The following DNAL1 variants were observed in gnomAD, a reference collection of about 807,000 sequenced individuals.
DNAL1 encodes dynein axonemal light chain 1.
In DNAL1, 17 loss-of-function variants were observed where a neutral mutation model predicts 29.4. That is an observed-to-expected ratio of 0.58 (90% confidence interval 0.40 to 0.87). The LOEUF is 0.87. DNAL1 is among the 40% of genes least tolerant of loss of function. The probability of loss-of-function intolerance (pLI) is 0.00; values close to 1 mark genes in which losing one functional copy is unlikely to be tolerated. For missense variants in DNAL1, 188 were observed against 214.1 expected (o/e 0.88, Z 0.76); for synonymous variants, 78 against 76.3 (o/e 1.02, Z -0.12).
At chr14:73,683,662 C>G (rs78698386) in intron 5 of DNAL1, among the ~76,000 whole-genome samples, 1 of 150,444 alleles carries the variant, frequency 6.6e-6, no homozygotes, top group Non-Finnish European at 1.5e-5. Context: ...GTTCTGCTCT[C>G]TACTTCCATG....
chr14:73,665,341 A>G (rs1172828491), intron 4 of DNAL1, among the ~76,000 whole-genome samples: 3 of 152,154 alleles, frequency 2.0e-5, no homozygotes, highest in Non-Finnish European at 2.9e-5. Flanking sequence ...CACTCAAACA[A>G]TTTAAGCTAT....
chr14:73,665,880 GGTCAGTTGGTAGAGACT>G, intron 4 of DNAL1, among the ~76,000 whole-genome samples: 1 of 152,126 alleles, frequency 6.6e-6, no homozygotes, highest in East Asian at 1.9e-4. Flanking sequence ...TTCTAACTTG[GGTCAGTTGGTAGAGACT>G]CTCAGGAAAA....
chr14:73,668,214 A>G (rs1313873685), intron 4 of DNAL1, among the ~76,000 whole-genome samples: 1 of 151,018 alleles, frequency 6.6e-6, no homozygotes, highest in African/African-American at 2.4e-5. Flanking sequence ...CACATTTTTC[A>G]CTATCTAATA....
chr14:73,681,952 A>C (rs1891897859), intron 5 of DNAL1, among the ~76,000 whole-genome samples: 1 of 151,616 alleles, frequency 6.6e-6, no homozygotes. Context: ...ATCTCTATTG[A>C]AAATACAAAA....
chr14:73,686,063 A>G (rs924312666), intron 5 of DNAL1, among the ~76,000 whole-genome samples: 1 of 152,128 alleles, frequency 6.6e-6, no homozygotes, highest in Non-Finnish European at 1.5e-5. Context: ...CTCCCTGCCA[A>G]CCGTGTACAA....
chr14:73,668,773 T>A (rs1595211424), intron 4 of DNAL1, among the ~76,000 whole-genome samples: 2 of 152,130 alleles, frequency 1.3e-5, no homozygotes, highest in East Asian at 3.9e-4. Flanking sequence ...GCCTCCCAGG[T>A]TCAAGCAATT....
chr14:73,675,478 A>AT (rs1196792546), intron 5 of DNAL1, among the ~76,000 whole-genome samples: 5 of 149,204 alleles, frequency 3.4e-5, no homozygotes, highest in South Asian at 4.3e-4. Context: ...TAAAAAAAAA[A>AT]TTTTTTTTTT....
intron 5 of DNAL1, among the ~76,000 whole-genome samples, chr14:73,681,913 G>A (rs1891896469): frequency 6.6e-6 from 1 of 151,730 alleles, no homozygotes; most frequent in Non-Finnish European, 1.5e-5. Flanking sequence ...GGGAGTTCGA[G>A]ATCAGCCTGA....
chr14:73,672,123 C>G (rs1038626282), intron 5 of DNAL1, among the ~76,000 whole-genome samples: 2 of 152,124 alleles, frequency 1.3e-5, no homozygotes, highest in African/African-American at 4.8e-5. Context: ...CCTCCCAAGA[C>G]AAAACAGGCT....
intron 5 of DNAL1, among the ~76,000 whole-genome samples, chr14:73,684,740 AT>A (rs1402587638): frequency 1.3e-5 from 2 of 152,040 alleles, no homozygotes; most frequent in East Asian, 3.9e-4. Context: ...ACAAAAAAAA[AT>A]TTTTTTAAAT....
intron 5 of DNAL1, among the ~76,000 whole-genome samples, chr14:73,685,581 G>A (rs538900808): frequency 4.0e-5 from 6 of 151,080 alleles, no homozygotes; most frequent in South Asian, 2.1e-4. Flanking sequence ...TGCCTCAGCC[G>A]CCAAAGTAGC....
intron 4 of DNAL1, among the ~76,000 whole-genome samples, chr14:73,668,092 C>T (rs1891531143): frequency 6.6e-6 from 1 of 152,270 alleles, no homozygotes; most frequent in Middle Eastern, 3.4e-3. Context: ...ATGGTGAACT[C>T]CCTTACTAAC....
chr14:73,668,367 T>C (rs768170768), intron 4 of DNAL1, among the ~76,000 whole-genome samples: 2 of 152,230 alleles, frequency 1.3e-5, no homozygotes, highest in Non-Finnish European at 2.9e-5. Flanking sequence ...GTTGAGTGAA[T>C]AAGTTATCGA....
chr14:73,670,215 A>C (rs148218311), intron 4 of DNAL1, among the ~76,000 whole-genome samples: 1 of 152,238 alleles, frequency 6.6e-6, no homozygotes, highest in Non-Finnish European at 1.5e-5. Flanking sequence ...TTACCATTCA[A>C]TTATGGATGT....
chr14:73,659,981 C>T (rs937029943), intron 3 of DNAL1, among the ~76,000 whole-genome samples: 1 of 152,198 alleles, frequency 6.6e-6, no homozygotes, highest in Non-Finnish European at 1.5e-5. Flanking sequence ...GGCTGCAGTG[C>T]AGTGCTGTGA....
At position 73,677,884 on chromosome 14, in the gene DNAL1, T is replaced by TGTGTGTGTGTG. The variant is rs1555402397; in HGVS notation, c.264+6287_264+6288insGTGTGTGTGTG. ...TATATTTATATATATATATATATAT[T>TGTGTGTGTGTG]TGTGTGTGTGTGTGTGTGTGTGTGT... On this transcript the variant is annotated intron_variant, in intron 5 of 7. Transcript: ENST00000553645. Among the ~76,000 whole-genome samples the TGTGTGTGTGTG allele has an allele frequency of 4.2e-3, 404 of 96,124 alleles. 2 individuals carry two copies. Among genetic ancestry groups the TGTGTGTGTGTG allele is most frequent in the African/African-American group, 0.014 (360 of 26,510 alleles). The allele number at this position is 96,124 out of a possible 152,430, so 63.1% of individuals were successfully genotyped here. A position where few individuals can be genotyped will look rare whatever the true frequency, so the allele number is the denominator to read the frequency against.
chr14:73,680,653 ATTAAAAATC>A, intron 5 of DNAL1, among the ~76,000 whole-genome samples: 1 of 152,252 alleles, frequency 6.6e-6, no homozygotes, highest in African/African-American at 2.4e-5. Context: ...TAGTGAGAAC[ATTAAAAATC>A]TTCTCTTCTA....
At chr14:73,687,168 A>G (rs1229201740) in intron 5 of DNAL1, 91 bp from the exon 6 acceptor site, 1 of 1,498,380 alleles carries the variant, frequency 6.7e-7, no homozygotes, top group Non-Finnish European at 9.0e-7. Flanking sequence ...GTCTAAGTTC[A>G]CTTTGGAAGC....
intron 6 of DNAL1, among the ~76,000 whole-genome samples, chr14:73,688,524 G>A (rs1892078576): frequency 1.3e-5 from 2 of 152,196 alleles, no homozygotes; most frequent in South Asian, 2.1e-4. Flanking sequence ...TTGGGAGGCT[G>A]AGGCATGAGA....
Sources: allele counts gnomAD v4.1 joint callset (sites outside exome capture counted in the v4.1 genomes callset), GRCh38; gene constraint gnomAD v4.1.1; transcripts MANE v1.5; gene names NCBI Gene and HGNC (gene_info 2026-07-23, HGNC 2026-07-21).